The following SHOC2 variants were observed in gnomAD, a reference collection of about 807,000 sequenced individuals.
SHOC2 encodes the protein SHOC2 leucine rich repeat scaffold protein, also known as leucine-rich repeat protein SHOC-2.
In SHOC2, 4 loss-of-function variants were observed where a neutral mutation model predicts 50.2. The ratio of observed to expected loss-of-function variants is 0.08; its 90% confidence interval spans 0.04 to 0.18. The LOEUF (loss-of-function observed/expected upper bound fraction) is 0.18. Ranked by LOEUF, SHOC2 falls within the 10% of genes least tolerant of loss-of-function variation. SHOC2 has a pLI of 1.00. For missense variants in SHOC2, 388 were observed against 669.6 expected (o/e 0.58, Z 4.64); for synonymous variants, 218 against 244.5 (o/e 0.89, Z 1.01).
In SHOC2 at chr10:111,009,917, T is replaced by C. The variant is rs1282480696; in HGVS notation, c.1540+87T>C. 12 of 826,728 alleles carry C rather than the reference T, an allele frequency of 1.5e-5. No homozygotes were observed. The East Asian group carries it at 2.9e-4, about 20-fold the overall frequency. The allele number at this position is 826,728 out of a possible 1,614,324, so 51.2% of individuals were successfully genotyped here. On this transcript the variant is annotated intron_variant, in intron 8 of 8. Transcript: ENST00000369452. ...ATTTCAGATAAATATGACAAATCTATTGTTTTTTAAACTGAGGTTATATCA... is the reference window on the plus strand; with the variant it reads ...ATTTCAGATAAATATGACAAATCTACTGTTTTTTAAACTGAGGTTATATCA...
At chr10:110,955,704 GCT>G (rs1847448170) in intron 1 of SHOC2, among the ~76,000 whole-genome samples, 1 of 152,094 alleles carries the variant, frequency 6.6e-6, no homozygotes, top group Non-Finnish European at 1.5e-5. Flanking sequence ...TTGTGTCATT[GCT>G]CTGTTTTCTA....
Position 110,955,867 on chromosome 10 carries a change from G to A in SHOC2, c.-234-8258G>A, listed in dbSNP as rs944149683. On this transcript the variant is annotated intron_variant, in intron 1 of 8. Coordinates refer to ENST00000369452, the MANE Select transcript of SHOC2 (RefSeq NM_007373.4). ...ACTGAACAAAGTTCCTGTTCTCGTTGAAGAGTTAGGAGGAAGGAAGGGTAT... is the reference window on the plus strand; with the variant it reads ...ACTGAACAAAGTTCCTGTTCTCGTTAAAGAGTTAGGAGGAAGGAAGGGTAT... 6.6e-5 allele frequency among the ~76,000 whole-genome samples: 10 copies of A among 152,138 alleles called. 1 individual carries two copies. The highest frequency in any genetic ancestry group is 6.5e-4 in the Admixed American group (10 of 15,284).
rs935608570 is a variant in SHOC2 at position 110,931,585 on chromosome 10, C to T, written c.-235+11928C>T. 5.3e-5 allele frequency among the ~76,000 whole-genome samples: 8 copies of T among 151,998 alleles called. No homozygotes were observed. In the East Asian group the frequency reaches 1.5e-3, roughly 29 times the overall value. On this transcript the variant is annotated intron_variant, in intron 1 of 8. Transcript: ENST00000369452. ...TCTTGTCATTTTTAGGTATTCATGT[C>T]AAAATTTGAGTGACCTGGAGTTAAT...
intron 1 of SHOC2, among the ~76,000 whole-genome samples, chr10:110,939,757 C>A (rs1426874983): frequency 6.6e-6 from 1 of 152,130 alleles, no homozygotes; most frequent in Non-Finnish European, 1.5e-5. Context: ...AAGCATGTAT[C>A]CTTACCAATA....
chr10:111,002,942 T>A (rs1848406222), intron 4 of SHOC2, among the ~76,000 whole-genome samples: 1 of 152,200 alleles, frequency 6.6e-6, no homozygotes, highest in Non-Finnish European at 1.5e-5. Context: ...ATAAAAAGAA[T>A]CACATTTTTT....
chr10:110,919,784 C>G (rs1353615323), intron 1 of SHOC2, 127 bp downstream of exon 1: 4 of 393,014 alleles, frequency 1.0e-5, no homozygotes, highest in Non-Finnish European at 1.8e-5. Flanking sequence ...AGGCGCGAGC[C>G]GGCAGCGCCG....
At chr10:110,959,459 A>G (rs765923054) in intron 1 of SHOC2, among the ~76,000 whole-genome samples, 2 of 152,224 alleles carry the variant, frequency 1.3e-5, no homozygotes, top group Non-Finnish European at 2.9e-5. Flanking sequence ...AAATGCCAGT[A>G]GCATTTCTCT....
chr10:110,997,811 AATG>A (rs1459743648), intron 3 of SHOC2, among the ~76,000 whole-genome samples: 2 of 152,106 alleles, frequency 1.3e-5, no homozygotes, highest in African/African-American at 4.8e-5. Flanking sequence ...TGGACATATA[AATG>A]ATATAAAATA....
At chr10:110,966,098 TATG>T (rs1307841874) in intron 2 of SHOC2, among the ~76,000 whole-genome samples, 1 of 152,136 alleles carries the variant, frequency 6.6e-6, no homozygotes. Flanking sequence ...TTTTCAAAGA[TATG>T]ATATTCTGTG....
At chr10:110,989,500 A>C (rs1848142363) in intron 3 of SHOC2, among the ~76,000 whole-genome samples, 1 of 152,204 alleles carries the variant, frequency 6.6e-6, no homozygotes, top group Non-Finnish European at 1.5e-5. Context: ...TTTAAGAACA[A>C]TTTAGATAGA....
chr10:110,922,257 T>C (rs1016696006), intron 1 of SHOC2, among the ~76,000 whole-genome samples: 1 of 152,120 alleles, frequency 6.6e-6, no homozygotes, highest in Non-Finnish European at 1.5e-5. Context: ...TGTGGAATGT[T>C]TCCAAAGATG....
chr10:110,970,911 A>G (rs1847769240), intron 2 of SHOC2, among the ~76,000 whole-genome samples: 1 of 152,024 alleles, frequency 6.6e-6, no homozygotes, highest in Non-Finnish European at 1.5e-5. Flanking sequence ...TTTTTAAATC[A>G]CATAATGATG....
chr10:110,922,946 T>C lies in SHOC2; in HGVS notation c.-235+3289T>C, dbSNP rs755762195. 2.1e-4 allele frequency among the ~76,000 whole-genome samples: 32 copies of C among 152,104 alleles called. 1 individual carries two copies. Among genetic ancestry groups the C allele is most frequent in the Non-Finnish European group, 4.4e-5 (3 of 67,928 alleles). On this transcript the variant is annotated intron_variant, in intron 1 of 8. Coordinates refer to ENST00000369452, the MANE Select transcript of SHOC2 (RefSeq NM_007373.4). ...GTGATACTTAAATGAGTACTTCAAA[T>C]ATTAAGTGAGTTGGTATTTTTGCTT...
intron 2 of SHOC2, among the ~76,000 whole-genome samples, chr10:110,982,134 C>A (rs1462157173): frequency 2.0e-5 from 3 of 148,170 alleles, no homozygotes; most frequent in South Asian, 2.2e-4. Flanking sequence ...AGATAGTTTA[C>A]TGAGAATGAT....
Position 111,011,938 on chromosome 10 carries a change from GTGTTTC to G in SHOC2, c.*123_*128del. ...GGCAGATTTATAAAAATTGCATTAT[GTGTTTC>G]TGCTAATAGAGGAATCATAGCCATT... On this transcript the variant is annotated 3_prime_UTR_variant, in exon 9 of 9. Coordinates refer to ENST00000369452, the MANE Select transcript of SHOC2 (RefSeq NM_007373.4). 1.2e-6 allele frequency: 1 copy of G among 835,658 alleles called. No homozygotes were observed. The highest frequency in any genetic ancestry group is 1.9e-6 in the Non-Finnish European group (1 of 513,920). The allele number at this position is 835,658 out of a possible 1,614,324, so 51.8% of individuals were successfully genotyped here.
intron 2 of SHOC2, among the ~76,000 whole-genome samples, chr10:110,969,284 A>C (rs1411152042): frequency 2.6e-5 from 4 of 151,950 alleles, no homozygotes; most frequent in African/African-American, 4.8e-5. Context: ...CTTGAAAAAG[A>C]CTCTTCACTC....
intron 2 of SHOC2, among the ~76,000 whole-genome samples, chr10:110,977,939 A>T (rs7922142): frequency 0.79 from 120,941 of 152,156 alleles, 48,455 homozygotes; most frequent in East Asian, 0.95. Flanking sequence ...ATAAGAATTT[A>T]GGCAAACACT....
chr10:111,012,909 CTG>C lies in SHOC2; in HGVS notation c.*1095_*1096del, dbSNP rs1564732695. ...TGTACATCTTTCAATTCTGGAATAT[CTG>C]TGTCTAAGCACAATATCTTCACACT... On this transcript the variant is annotated 3_prime_UTR_variant, in exon 9 of 9. Coordinates refer to ENST00000369452, the MANE Select transcript of SHOC2 (RefSeq NM_007373.4). The C allele has an allele frequency of 6.5e-6, 1 of 152,748 alleles. No homozygotes were observed. The highest frequency in any genetic ancestry group is 2.1e-4 in the South Asian group (1 of 4,824). The allele number at this position is 152,748 out of a possible 1,614,324, so 9.5% of individuals were successfully genotyped here.
chr10:110,951,469 T>C (rs1847349959), intron 1 of SHOC2: 2 of 152,196 alleles, frequency 1.3e-5, no homozygotes, highest in African/African-American at 4.8e-5. Context: ...TGAAAAATAG[T>C]ATGGAGTTTC....
Sources: gnomAD v4.1 joint callset for allele counts (sites outside exome capture counted in the v4.1 genomes callset) on GRCh38, gnomAD v4.1.1 for gene constraint, MANE v1.5 for transcripts, NCBI Gene and HGNC (gene_info 2026-07-23, HGNC 2026-07-21) for gene names.